The following ITGAL variants were observed in gnomAD, a reference collection of about 807,000 sequenced individuals.
ITGAL encodes the protein integrin alpha-L.
A neutral mutation model predicts 138.4 loss-of-function variants in ITGAL; 68 were observed. The ratio of observed to expected loss-of-function variants is 0.49; its 90% CI spans 0.40 to 0.60. ITGAL has a LOEUF of 0.60. Among genes scored for constraint, ITGAL ranks in the 20% least tolerant of loss-of-function variants. ITGAL has a pLI of 0.00. For missense variants in ITGAL, 1,256 were observed against 1,478.6 expected (o/e 0.85, Z 2.47); for synonymous variants, 561 against 584.3 (o/e 0.96, Z 0.57).
chr16:30,504,935 C>T (rs974192337), intron 18 of ITGAL: 19 of 188,522 alleles, frequency 1.0e-4, no homozygotes, highest in South Asian at 7.4e-4. Flanking sequence ...GCATAAGAAT[C>T]GCTTGAACCC....
In ITGAL at chr16:30,490,226, TTAAAA is replaced by T. The variant is rs770508481; in HGVS notation, c.1213+841_1213+845del. Among the ~76,000 whole-genome samples, 234 of 115,176 alleles carry T rather than the reference TTAAAA, an allele frequency of 2.0e-3. 4 individuals carry two copies. The highest frequency in any genetic ancestry group is 3.0e-3 in the Non-Finnish European group (174 of 57,554). 75.6% of individuals were successfully genotyped at this position (115,176 alleles called of 152,430 possible). ...CAAGATGACAGAGCGAGACTCCGTC[TTAAAA>T]AAAAAAAAAAAAAAAAGGCCTTTTA... On this transcript the variant is annotated intron_variant, in intron 11 of 30. Transcript: ENST00000356798.
chr16:30,513,777 A>C lies in ITGAL; in HGVS notation c.2793A>C (p.Glu931Asp). ...TGCCCTTCTCTCTCCGCAGCCAAGA[A>C]GACTCCACACTCTATGTCAGTTTCA... is the stretch of plus-strand genomic sequence containing the variant. The part of the protein sequence containing the change: ...YPINILIQDQ[E>D]DSTLYVSFTP... The change falls in exon 25 of 31, where the codon GAA becomes GAC. Residue 931 changes from glutamate (E) to aspartate (D), a missense_variant. Around this residue, in one of 3 missense-constraint regions of ITGAL, gnomAD observed 867 missense variants for 972.5 expected, o/e 0.89. Coordinates refer to ENST00000356798, the MANE Select transcript of ITGAL (RefSeq NM_002209.3). 1.2e-6 allele frequency: 2 copies of C among 1,613,508 alleles called. No homozygotes were observed. Among genetic ancestry groups the C allele is most frequent in the Admixed American group, 1.7e-5 (1 of 59,976 alleles).
rs557551761 is a variant in ITGAL at position 30,517,809 on chromosome 16, G to A, written c.3046G>A (p.Gly1016Arg). The change falls in exon 28 of 31, where the codon GGA (glycine) becomes AGA (arginine). Residue 1016 changes from glycine to arginine, a missense_variant. By Grantham distance (125) the Gly-to-Arg change is moderately radical. Transcript: ENST00000356798. ...TCATCCTTGTCAGCCTTGTCTCCCC[G>A]GAGCCCTGTTCCGCTGCCCTGTTGT... ...LPDAAEPCLPGALFRCPVVFR... is the reference protein window; with the variant it reads ...LPDAAEPCLPRALFRCPVVFR... 42 of 1,614,120 alleles carry A rather than the reference G, an allele frequency of 2.6e-5. No homozygotes were observed. Among genetic ancestry groups the A allele is most frequent in the Middle Eastern group, 1.7e-4 (1 of 6,056 alleles).
intron 25 of ITGAL, 101 bp from the exon 26 acceptor site, chr16:30,516,872 G>C: frequency 1.2e-6 from 1 of 833,414 alleles, no homozygotes; most frequent in Non-Finnish European, 2.1e-6. Flanking sequence ...TGGGGACTCA[G>C]CCAATGAGGA....
At position 30,489,333 on chromosome 16, in the gene ITGAL, A is replaced by C; in HGVS notation, c.1160A>C (p.Asp387Ala). 6.2e-7 allele frequency: 1 copy of C among 1,614,080 alleles called. No individual in the cohort carries two copies. Among genetic ancestry groups the C allele is most frequent in the Non-Finnish European group, 8.5e-7 (1 of 1,179,974 alleles). ...GACCTGAAGGCAGACCTGCAGGATGACACATTTATTGGGAATGAACCATTG... is the reference window on the plus strand; with the variant it reads ...GACCTGAAGGCAGACCTGCAGGATGCCACATTTATTGGGAATGAACCATTG... ...FLDLKADLQDDTFIGNEPLTP... is the reference protein window; with the variant it reads ...FLDLKADLQDATFIGNEPLTP... Residue 387 changes from aspartate (D) to alanine (A), a missense_variant, in exon 11 of 31, where the codon GAC becomes GCC. Transcript: ENST00000356798.
At chr16:30,518,756 A>G (rs1355747307) in intron 29 of ITGAL, 37 bp downstream of exon 29, 1 of 1,503,886 alleles carries the variant, frequency 6.6e-7, no homozygotes, top group Non-Finnish European at 9.3e-7. Flanking sequence ...GGAACAGGCA[A>G]CAGAGGGAGC....
chr16:30,519,382 C>CA (rs1282462433), intron 29 of ITGAL, among the ~76,000 whole-genome samples: 1,596 of 136,386 alleles, frequency 0.012, 17 homozygotes, highest in Non-Finnish European at 0.014. Flanking sequence ...GACCTTATCT[C>CA]AAAAAAAAAA....
At chr16:30,490,227 TAA>T (rs71149031) in intron 11 of ITGAL, among the ~76,000 whole-genome samples, 1 of 129,536 alleles carries the variant, frequency 7.7e-6, no homozygotes, top group Non-Finnish European at 1.6e-5. Context: ...GACTCCGTCT[TAA>T]AAAAAAAAAA....
At chr16:30,499,719 A>ATGTG in intron 17 of ITGAL, among the ~76,000 whole-genome samples, 1 of 105,948 alleles carries the variant, frequency 9.4e-6, no homozygotes, top group Non-Finnish European at 1.7e-5. Context: ...ATATGTATAT[A>ATGTG]TATATATATA....
chr16:30,505,187 G>T, intron 18 of ITGAL, 57 bp from the exon 19 acceptor site: 3 of 1,478,846 alleles, frequency 2.0e-6, no homozygotes. Flanking sequence ...CCTTCATGAG[G>T]TCTGCTGCCT....
chr16:30,500,092 A>T (rs1323706201), intron 17 of ITGAL, among the ~76,000 whole-genome samples: 1 of 123,900 alleles, frequency 8.1e-6, no homozygotes, highest in East Asian at 2.6e-4. Context: ...TTATTTATTT[A>T]TTTATTTATT....
Position 30,504,230 on chromosome 16 carries a change from G to T in ITGAL, c.2201G>T (p.Trp734Leu). The change falls in exon 18 of 31, where the codon TGG (tryptophan) becomes TTG (leucine). Residue 734 changes from tryptophan to leucine, a missense_variant. Physicochemically the swap from Trp to Leu is moderately conservative, Grantham distance 61. Coordinates refer to ENST00000356798, the MANE Select transcript of ITGAL (RefSeq NM_002209.3). ...AATGTTTCCCTGAATTTCTCTCTTT[G>T]GGAGGAGGAAGGGACACCGAGGGAC... ...PINVSLNFSL[W>L]EEEGTPRDQR... 1 of 1,613,754 alleles carries T rather than the reference G, an allele frequency of 6.2e-7. No individual in the cohort carries two copies. Among genetic ancestry groups the T allele is most frequent in the Non-Finnish European group, 8.5e-7 (1 of 1,179,690 alleles).
chr16:30,513,960 C>A, intron 25 of ITGAL, 114 bp downstream of exon 25: 1 of 786,016 alleles, frequency 1.3e-6, no homozygotes, highest in Non-Finnish European at 2.2e-6. Context: ...TCCAACTGTT[C>A]AATAATCCTT....
chr16:30,510,208 T>A (rs1202328175), intron 21 of ITGAL, among the ~76,000 whole-genome samples, 153 bp from the exon 22 acceptor site: 1 of 152,154 alleles, frequency 6.6e-6, no homozygotes, highest in Non-Finnish European at 1.5e-5. Flanking sequence ...ACTAAGCCTC[T>A]GTCTGCAGCC....
At chr16:30,481,364 A>AT in intron 6 of ITGAL, 75 bp from the exon 7 acceptor site, 1 of 1,060,276 alleles carries the variant, frequency 9.4e-7, no homozygotes, top group Non-Finnish European at 1.3e-6. Context: ...AAAAAAAAAA[A>AT]AAAGAAGTAG....
Position 30,489,175 on chromosome 16 carries a change from A to G in ITGAL, c.1080+20A>G. The stretch of plus-strand genomic sequence containing the variant: ...AGCAGGGTGCGTGCTGGGCTGGAGC[A>G]ATGGGCTGCAGGGAGTGCAGTTGGC... On this transcript the variant is annotated intron_variant, in intron 10 of 30. Transcript: ENST00000356798. 1 of 1,613,934 alleles carries G rather than the reference A, an allele frequency of 6.2e-7. No individual in the cohort carries two copies. Among genetic ancestry groups the G allele is most frequent in the South Asian group, 1.1e-5 (1 of 91,068 alleles).
intron 15 of ITGAL, among the ~76,000 whole-genome samples, chr16:30,498,170 C>T (rs1232975982): frequency 4.1e-5 from 6 of 147,384 alleles, no homozygotes; most frequent in Non-Finnish European, 7.4e-5. Flanking sequence ...ACTAAAAATA[C>T]AAAAATTAGC....
chr16:30,495,557 C>T lies in ITGAL; in HGVS notation c.1504-540C>T, dbSNP rs145960178. Among the ~76,000 whole-genome samples the T allele has an allele frequency of 7.1e-3, 1,066 of 150,918 alleles. 1 individual carries two copies. Among genetic ancestry groups the T allele is most frequent in the Middle Eastern group, 0.014 (4 of 294 alleles). On this transcript the variant is annotated intron_variant, in intron 13 of 30. Coordinates refer to ENST00000356798, the MANE Select transcript of ITGAL (RefSeq NM_002209.3). ...TTTATAAATGGGAATCCCTGGGGTGCGGTGGCTCATGCCTGTAATCCCAGC... is the reference window on the plus strand; with the variant it reads ...TTTATAAATGGGAATCCCTGGGGTGTGGTGGCTCATGCCTGTAATCCCAGC...
At chr16:30,491,966 G>A (rs1452172957) in intron 11 of ITGAL, among the ~76,000 whole-genome samples, 1 of 152,162 alleles carries the variant, frequency 6.6e-6, no homozygotes, top group African/African-American at 2.4e-5. Context: ...CAATAGGGAA[G>A]CGGTTCCGTC....
Sources: allele counts gnomAD v4.1 joint callset (sites outside exome capture counted in the v4.1 genomes callset), GRCh38; gene constraint gnomAD v4.1.1; regional missense constraint gnomAD v4.1.1; transcripts MANE v1.5; gene names NCBI Gene and HGNC (gene_info 2026-07-23, HGNC 2026-07-21).